The following RIMS2 variants were observed in gnomAD, a reference collection of about 807,000 sequenced individuals.
RIMS2 encodes regulating synaptic membrane exocytosis protein 2.
RIMS2 carries 59 observed loss-of-function variants against 174.4 expected under a neutral mutation model. That is an observed-to-expected ratio of 0.34 (90% CI 0.27 to 0.42). The LOEUF (loss-of-function observed/expected upper bound fraction) is 0.42, where lower values mean the gene tolerates loss of function less well. RIMS2 is among the 10% of genes least tolerant of loss of function. RIMS2 has a pLI of 1.00. For missense variants in RIMS2, 1,620 were observed against 1,666.3 expected (o/e 0.97, Z 0.48); for synonymous variants, 606 against 572.5 (o/e 1.06, Z -0.84).
At chr8:104,080,911 A>G (rs1340904203) in intron 19 of RIMS2, among the ~76,000 whole-genome samples, 2 of 152,088 alleles carry the variant, frequency 1.3e-5, no homozygotes, top group Non-Finnish European at 2.9e-5. Flanking sequence ...AATATATTTC[A>G]TATGAAGGAA....
chr8:103,865,452 T>G lies in RIMS2; in HGVS notation c.699-19846T>G, dbSNP rs1371999444. Among the ~76,000 whole-genome samples the G allele has an allele frequency of 6.6e-5, 10 of 151,698 alleles. No individual in the cohort carries two copies. In the East Asian group the frequency reaches 1.9e-3, roughly 30 times the overall value. ...GGTGCATGCCACCACACCCAGCTAA[T>G]TTCTGTATTTTTAGTAGAGATGGGG... On this transcript the variant is annotated intron_variant, in intron 3 of 23. Coordinates refer to ENST00000504942, the Ensembl canonical transcript of RIMS2.
At chr8:104,191,541 T>C (rs1248808976) in intron 19 of RIMS2, among the ~76,000 whole-genome samples, 1 of 152,112 alleles carries the variant, frequency 6.6e-6, no homozygotes, top group African/African-American at 2.4e-5. Flanking sequence ...GCAGGAAGTA[T>C]ATTGAAAATA....
chr8:103,947,310 C>T (rs2084042512), intron 14 of RIMS2, among the ~76,000 whole-genome samples: 1 of 152,056 alleles, frequency 6.6e-6, no homozygotes, highest in Non-Finnish European at 1.5e-5. Flanking sequence ...TTTTTTAAAG[C>T]CTCAGGCTGG....
intron 9 of RIMS2, 78 bp downstream of exon 12, chr8:103,918,565 A>G: frequency 1.1e-6 from 1 of 947,238 alleles, no homozygotes; most frequent in Non-Finnish European, 1.7e-6. Context: ...TTTAACTAGT[A>G]ATGTGAAGTA....
chr8:103,869,081 AT>A lies in RIMS2; in HGVS notation c.699-16214del, dbSNP rs530859140. 1.6e-4 allele frequency among the ~76,000 whole-genome samples: 24 copies of A among 152,088 alleles called. No individual in the cohort carries two copies. The East Asian group carries it at 3.5e-3, about 22-fold the overall frequency. ...GATTGATAGTTTCCCTGATATATGC[AT>A]TTCATGTATGAGGAGTGTTCACATT... On this transcript the variant is annotated intron_variant, in intron 3 of 23. Coordinates refer to ENST00000504942, the Ensembl canonical transcript of RIMS2.
intron 3 of RIMS2, among the ~76,000 whole-genome samples, chr8:103,844,996 G>A (rs1046240758): frequency 1.3e-5 from 2 of 151,908 alleles, no homozygotes; most frequent in Admixed American, 6.6e-5. Flanking sequence ...CCAACTTCAA[G>A]ATTTTTAATT....
intron 16 of RIMS2, among the ~76,000 whole-genome samples, chr8:103,985,288 A>G (rs2094256726): frequency 6.6e-6 from 1 of 151,892 alleles, no homozygotes; most frequent in African/African-American, 2.4e-5. Context: ...AGCCTGGCCA[A>G]TATGGTGAAA....
At chr8:103,541,694 A>G (rs115266222) in intron 1 of RIMS2, among the ~76,000 whole-genome samples, 1,567 of 152,306 alleles carry the variant, frequency 0.01, 27 homozygotes, top group African/African-American at 0.036. Flanking sequence ...AATCGCTTAT[A>G]GCTTTAGTTA....
intron 19 of RIMS2, among the ~76,000 whole-genome samples, chr8:104,097,948 T>TTTAA (rs2097791553): frequency 6.6e-6 from 1 of 152,086 alleles, no homozygotes; most frequent in African/African-American, 2.4e-5. Context: ...TACCTCAGAG[T>TTTAA]TTAACATTTA....
At chr8:103,753,141 T>C (rs2097916604) in intron 2 of RIMS2, among the ~76,000 whole-genome samples, 1 of 150,888 alleles carries the variant, frequency 6.6e-6, no homozygotes, top group African/African-American at 2.4e-5. Flanking sequence ...GTTTTTAGCA[T>C]GAAGGGTAGT....
At chr8:104,170,055 A>T (rs1359864883) in intron 19 of RIMS2, among the ~76,000 whole-genome samples, 1 of 152,064 alleles carries the variant, frequency 6.6e-6, no homozygotes, top group East Asian at 1.9e-4. Context: ...ATTTTCATAA[A>T]TGTATTGAGA....
chr8:104,123,757 C>T (rs191282601), intron 19 of RIMS2, among the ~76,000 whole-genome samples: 99 of 151,848 alleles, frequency 6.5e-4, no homozygotes, highest in African/African-American at 2.3e-3. Context: ...TGCAAATGGG[C>T]AAATGTTTAA....
At chr8:104,200,640 G>A (rs7012041) in intron 19 of RIMS2, among the ~76,000 whole-genome samples, 4,985 of 152,258 alleles carry the variant, frequency 0.033, 240 homozygotes, top group African/African-American at 0.11. Flanking sequence ...CGGGCGTGGC[G>A]CTCACGCTGT....
At chr8:103,594,238 T>A (rs1171307604) in intron 1 of RIMS2, among the ~76,000 whole-genome samples, 1 of 151,602 alleles carries the variant, frequency 6.6e-6, no homozygotes, top group African/African-American at 2.4e-5. Context: ...TGTGGCCTAT[T>A]TAGTGCCACA....
At chr8:103,728,465 G>A (rs372462271) in intron 2 of RIMS2, among the ~76,000 whole-genome samples, 121 of 152,104 alleles carry the variant, frequency 8.0e-4, no homozygotes, top group African/African-American at 2.7e-3. Context: ...CCAGTACTAT[G>A]TTGAATAACA....
intron 4 of RIMS2, among the ~76,000 whole-genome samples, chr8:103,908,998 C>A (rs1666913779): frequency 6.6e-6 from 1 of 152,066 alleles, no homozygotes; most frequent in African/African-American, 2.4e-5. Context: ...CATGGTGTTC[C>A]TTCAGTTCTT....
chr8:103,931,309 T>G, exon 12 of RIMS2: 1 of 1,604,496 alleles, frequency 6.2e-7, no homozygotes, highest in Non-Finnish European at 8.5e-7. Flanking sequence ...ATAGTTACAA[T>G]TTTGGGAGCA....
intron 19 of RIMS2, among the ~76,000 whole-genome samples, chr8:104,204,683 T>G (rs1407259766): frequency 6.6e-6 from 1 of 151,648 alleles, no homozygotes; most frequent in Non-Finnish European, 1.5e-5. Flanking sequence ...AATCTATGAG[T>G]GTGTTTTGTT....
At chr8:104,101,015 CATATGTAAT>C (rs2097879298) in intron 19 of RIMS2, among the ~76,000 whole-genome samples, 1 of 131,082 alleles carries the variant, frequency 7.6e-6, no homozygotes. Context: ...TGATATATTA[CATATGTAAT>C]ATATGTTATA....
Sources: allele counts gnomAD v4.1 joint callset (sites outside exome capture counted in the v4.1 genomes callset), GRCh38; gene constraint gnomAD v4.1.1; transcripts MANE v1.5; gene names NCBI Gene and HGNC (gene_info 2026-07-23, HGNC 2026-07-21).